Variants in PTPRD observed in about 807,000 individuals in gnomAD.
PTPRD encodes receptor-type tyrosine-protein phosphatase delta.
PTPRD carries 34 observed loss-of-function variants against 214.5 expected under a neutral mutation model. The observed-to-expected ratio is 0.16, with a 90% confidence interval of 0.12 to 0.21. The LOEUF (loss-of-function observed/expected upper bound fraction) is 0.21, where lower values mean the gene tolerates loss of function less well. Among genes scored for constraint, PTPRD ranks in the 10% least tolerant of loss-of-function variants. The pLI is 1.00. For synonymous variants in PTPRD, 1,128 were observed against 845.7 expected, an observed-to-expected ratio of 1.33 and a Z score of -5.79; for missense variants, 2,545 against 2,398.7, an observed-to-expected ratio of 1.06 and a Z score of -1.27.
intron 2 of PTPRD, among the ~76,000 whole-genome samples, chr9:10,417,417 C>T (rs936901548): frequency 2.6e-5 from 4 of 151,784 alleles, no homozygotes; most frequent in African/African-American, 4.8e-5. Flanking sequence ...CTTTGCCTGG[C>T]CCCCTAACTC....
intron 10 of PTPRD, among the ~76,000 whole-genome samples, chr9:9,133,839 T>TC (rs1347245327): frequency 6.6e-6 from 1 of 152,054 alleles, no homozygotes; most frequent in Non-Finnish European, 1.5e-5. Context: ...TCCCACTTCC[T>TC]CGTAAGGGCA....
At chr9:8,749,504 T>A (rs1458531283) in intron 11 of PTPRD, among the ~76,000 whole-genome samples, 2 of 152,180 alleles carry the variant, frequency 1.3e-5, no homozygotes, top group Non-Finnish European at 2.9e-5. Flanking sequence ...TGGATTTTTT[T>A]AAACCTATAT....
At chr9:8,911,415 T>TGTGTTGTGTGTGTGTGTGTG (rs1555510111) in intron 11 of PTPRD, among the ~76,000 whole-genome samples, 1 of 127,632 alleles carries the variant, frequency 7.8e-6, no homozygotes, top group Admixed American at 7.9e-5. Flanking sequence ...TGTGTGTGTG[T>TGTGTTGTGTGTGTGTGTGTG]TGTGTGTGTG....
intron 2 of PTPRD, among the ~76,000 whole-genome samples, chr9:10,494,055 G>C: frequency 6.6e-6 from 1 of 151,876 alleles, no homozygotes. Flanking sequence ...GCTGGGATTT[G>C]TGAGCAGTAG....
At chr9:8,688,971 T>C (rs1180870260) in intron 12 of PTPRD, among the ~76,000 whole-genome samples, 1 of 152,194 alleles carries the variant, frequency 6.6e-6, no homozygotes, top group East Asian at 1.9e-4. Context: ...ATGTTCTAAA[T>C]TTTATAAATC....
chr9:10,174,941 T>G (rs375517156), intron 3 of PTPRD, among the ~76,000 whole-genome samples: 1 of 152,126 alleles, frequency 6.6e-6, no homozygotes, highest in African/African-American at 2.4e-5. Flanking sequence ...TAAAAATGAA[T>G]GCTTGAAATT....
At chr9:10,142,529 C>T (rs2098993332) in intron 3 of PTPRD, among the ~76,000 whole-genome samples, 1 of 152,076 alleles carries the variant, frequency 6.6e-6, no homozygotes. Flanking sequence ...AAAAAATGCT[C>T]ACCATCACTA....
chr9:8,378,487 G>A (rs2083929891), intron 37 of PTPRD, among the ~76,000 whole-genome samples: 1 of 152,014 alleles, frequency 6.6e-6, no homozygotes, highest in Admixed American at 6.6e-5. Context: ...TAGATGTCAG[G>A]TGGATGTCTC....
intron 9 of PTPRD, among the ~76,000 whole-genome samples, chr9:9,192,646 C>T (rs750785653): frequency 2.0e-5 from 3 of 152,020 alleles, no homozygotes; most frequent in Admixed American, 6.6e-5. Flanking sequence ...AAATGCCTGC[C>T]TGAAACCAGA....
rs535041822 is a variant in PTPRD, at chr9:9,107,892, T to A, written c.-143+75412A>T. The stretch of plus-strand genomic sequence containing the variant: ...TTTATTTGTTCTTTGAAAGCCTGTG[T>A]TGTGTATATTTCATGGAAAAATCTG... On this transcript the variant is annotated intron_variant, in intron 10 of 45. Coordinates refer to ENST00000381196, the MANE Select transcript of PTPRD (RefSeq NM_002839.4). 4.8e-3 allele frequency among the ~76,000 whole-genome samples: 725 copies of A among 152,282 alleles called. 4 individuals are homozygous for A. The highest frequency in any genetic ancestry group is 0.017 in the African/African-American group (692 of 41,570).
chr9:10,539,390 G>C (rs2058596389), intron 2 of PTPRD, among the ~76,000 whole-genome samples: 1 of 152,018 alleles, frequency 6.6e-6, no homozygotes. Flanking sequence ...TTGCCACGTT[G>C]GCCAGGCTGG....
chr9:8,546,075 C>G (rs181668390), intron 14 of PTPRD, among the ~76,000 whole-genome samples: 1 of 152,262 alleles, frequency 6.6e-6, no homozygotes, highest in East Asian at 1.9e-4. Flanking sequence ...TTCACTTAAC[C>G]GACCACATAG....
chr9:10,500,584 T>C (rs569212621), intron 2 of PTPRD, among the ~76,000 whole-genome samples: 1 of 152,056 alleles, frequency 6.6e-6, no homozygotes, highest in Non-Finnish European at 1.5e-5. Context: ...TCTTAAAATG[T>C]ACGATTAAAT....
At chr9:10,564,617 G>A (rs574797810) in intron 2 of PTPRD, among the ~76,000 whole-genome samples, 3 of 151,958 alleles carry the variant, frequency 2.0e-5, no homozygotes, top group Non-Finnish European at 4.4e-5. Context: ...TTGAATCCAT[G>A]GCTAACTGCA....
intron 10 of PTPRD, among the ~76,000 whole-genome samples, chr9:9,132,801 G>A (rs1167861322): frequency 1.3e-5 from 2 of 152,106 alleles, no homozygotes; most frequent in Non-Finnish European, 2.9e-5. Flanking sequence ...ACTAATACTT[G>A]TGTGCAAAAT....
At chr9:9,686,408 C>T (rs1223321931) in intron 7 of PTPRD, among the ~76,000 whole-genome samples, 1 of 151,182 alleles carries the variant, frequency 6.6e-6, no homozygotes, top group Admixed American at 6.6e-5. Flanking sequence ...TTTTCCAAGT[C>T]ATTCTTATTC....
At chr9:9,710,369 C>G (rs2097702689) in intron 7 of PTPRD, among the ~76,000 whole-genome samples, 1 of 151,996 alleles carries the variant, frequency 6.6e-6, no homozygotes, top group Admixed American at 6.6e-5. Context: ...CTTGTACTTA[C>G]AATGGGAAAG....
intron 14 of PTPRD, among the ~76,000 whole-genome samples, chr9:8,604,202 A>C (rs1002108433): frequency 6.6e-6 from 1 of 152,246 alleles, no homozygotes; most frequent in African/African-American, 2.4e-5. Flanking sequence ...GGGGAGACCC[A>C]TGCATGAAGT....
At chr9:9,685,155 C>G (rs1402208240) in intron 7 of PTPRD, among the ~76,000 whole-genome samples, 1 of 151,220 alleles carries the variant, frequency 6.6e-6, no homozygotes, top group Non-Finnish European at 1.5e-5. Context: ...TGATTACCAT[C>G]CCTTCAACTT....
Sources: gnomAD v4.1 joint callset for allele counts (sites outside exome capture counted in the v4.1 genomes callset) on GRCh38, gnomAD v4.1.1 for gene constraint, MANE v1.5 for transcripts, NCBI Gene and HGNC (gene_info 2026-07-23, HGNC 2026-07-21) for gene names.